SGCZ: variants seen among roughly 807,000 people sequenced by gnomAD.
SGCZ encodes zeta-sarcoglycan.
In SGCZ, 40 loss-of-function variants were observed where a neutral mutation model predicts 41.3. That is an observed-to-expected ratio of 0.97 (90% CI 0.75 to 1.26). The LOEUF (loss-of-function observed/expected upper bound fraction) is 1.26. SGCZ is among the 50% of genes most tolerant of loss of function. SGCZ has a pLI of 0.00. For missense variants in SGCZ, 552 were observed against 369.8 expected (o/e 1.49, Z -4.04); for synonymous variants, 206 against 137.5 (o/e 1.50, Z -3.49).
At chr8:14,120,918 G>T (rs565999630) in intron 5 of SGCZ, among the ~76,000 whole-genome samples, 2 of 152,018 alleles carry the variant, frequency 1.3e-5, no homozygotes, top group African/African-American at 4.8e-5. Flanking sequence ...TCATGGAACT[G>T]GACAAGCTGA....
chr8:15,217,455 C>G (rs1314525606), intron 1 of SGCZ, among the ~76,000 whole-genome samples: 1 of 141,458 alleles, frequency 7.1e-6, no homozygotes, highest in East Asian at 2.0e-4. Flanking sequence ...AAAAATACCT[C>G]TTTTTTTTTT....
intron 2 of SGCZ, among the ~76,000 whole-genome samples, chr8:14,334,087 T>C (rs1194112119): frequency 6.6e-6 from 1 of 152,072 alleles, no homozygotes; most frequent in African/African-American, 2.4e-5. Flanking sequence ...GTTACTATAA[T>C]TTATTTCCTA....
intron 3 of SGCZ, among the ~76,000 whole-genome samples, chr8:14,238,299 A>T (rs1806841131): frequency 6.6e-6 from 1 of 152,224 alleles, no homozygotes; most frequent in African/African-American, 2.4e-5. Context: ...CAGTTACGTC[A>T]TTATTACTAA....
chr8:14,378,705 C>G (rs900673890), intron 2 of SGCZ, among the ~76,000 whole-genome samples: 6 of 152,130 alleles, frequency 3.9e-5, no homozygotes, highest in African/African-American at 1.4e-4. Flanking sequence ...TAGGGACAGT[C>G]TTGGGGACTG....
At position 15,232,682 on chromosome 8, in the gene SGCZ, TATATATATGTGTGTATATATATAC is replaced by T. The variant is rs1563198238; in HGVS notation, c.39+4879_39+4902del. ...ATACATATATATGTGTGTGTATATA[TATATATATGTGTGTATATATATAC>T]ATATATATGTGTGTATATATATACA... On this transcript the variant is annotated intron_variant, in intron 1 of 7. Transcript: ENST00000382080. Among the ~76,000 whole-genome samples, 347 of 114,572 alleles carry T rather than the reference TATATATATGTGTGTATATATATAC, an allele frequency of 3.0e-3. 1 individual carries two copies. Among genetic ancestry groups the T allele is most frequent in the African/African-American group, 4.2e-3 (108 of 25,998 alleles). The allele number at this position is 114,572 out of a possible 152,430, so 75.2% of individuals were successfully genotyped here.
At chr8:14,730,206 C>T (rs1019990726) in intron 1 of SGCZ, among the ~76,000 whole-genome samples, 5 of 152,078 alleles carry the variant, frequency 3.3e-5, no homozygotes, top group Non-Finnish European at 7.4e-5. Flanking sequence ...TCTGGAGTGC[C>T]GCACGAAGCT....
chr8:14,656,621 TC>T (rs1232388317), intron 1 of SGCZ, among the ~76,000 whole-genome samples: 1 of 149,554 alleles, frequency 6.7e-6, no homozygotes, highest in Non-Finnish European at 1.5e-5. Context: ...CCTCTCTCTC[TC>T]TCTCTCCTCC....
chr8:14,651,582 C>T (rs917170437), intron 1 of SGCZ, among the ~76,000 whole-genome samples: 4 of 152,090 alleles, frequency 2.6e-5, no homozygotes, highest in African/African-American at 9.7e-5. Context: ...ACTACGCACA[C>T]TCACTCAGAA....
At chr8:14,591,127 A>G (rs1805227202) in intron 1 of SGCZ, among the ~76,000 whole-genome samples, 1 of 151,792 alleles carries the variant, frequency 6.6e-6, no homozygotes, top group South Asian at 2.1e-4. Context: ...TTCACTATTC[A>G]ATGTCTTTTA....
At chr8:15,033,469 G>A (rs569175099) in intron 1 of SGCZ, among the ~76,000 whole-genome samples, 10 of 152,042 alleles carry the variant, frequency 6.6e-5, no homozygotes, top group Non-Finnish European at 8.8e-5. Flanking sequence ...GGCTGCAGAA[G>A]ACCTAGGGTC....
At chr8:14,574,001 A>T (rs1272783912) in intron 1 of SGCZ, among the ~76,000 whole-genome samples, 1 of 152,130 alleles carries the variant, frequency 6.6e-6, no homozygotes, top group East Asian at 1.9e-4. Context: ...GGAGGTGCTT[A>T]GTCATTGAAA....
At chr8:14,176,838 C>T (rs1934486064) in intron 4 of SGCZ, among the ~76,000 whole-genome samples, 1 of 152,148 alleles carries the variant, frequency 6.6e-6, no homozygotes, top group Non-Finnish European at 1.5e-5. Context: ...AGAAAATTAG[C>T]TGAAAAGCAA....
At chr8:14,863,899 A>G (rs1170445386) in intron 1 of SGCZ, among the ~76,000 whole-genome samples, 1 of 152,116 alleles carries the variant, frequency 6.6e-6, no homozygotes, top group Non-Finnish European at 1.5e-5. Flanking sequence ...TTAGATGAAA[A>G]TTTAATGTGT....
At chr8:15,166,146 G>A (rs1361337871) in intron 1 of SGCZ, among the ~76,000 whole-genome samples, 2 of 152,102 alleles carry the variant, frequency 1.3e-5, no homozygotes, top group African/African-American at 4.8e-5. Flanking sequence ...ATTCTTCAAA[G>A]GGCCCGTGGA....
intron 2 of SGCZ, among the ~76,000 whole-genome samples, chr8:14,358,282 T>G (rs1282643963): frequency 6.6e-6 from 1 of 152,206 alleles, no homozygotes; most frequent in East Asian, 1.9e-4. Flanking sequence ...ATTTTCTTTT[T>G]GAAATGGGGT....
At chr8:15,014,328 G>C (rs1228805759) in intron 1 of SGCZ, among the ~76,000 whole-genome samples, 1 of 152,178 alleles carries the variant, frequency 6.6e-6, no homozygotes, top group Non-Finnish European at 1.5e-5. Flanking sequence ...TTGATGCCAG[G>C]GGCTGTTCAC....
At chr8:14,417,116 G>C (rs1489133174) in intron 2 of SGCZ, among the ~76,000 whole-genome samples, 2 of 151,806 alleles carry the variant, frequency 1.3e-5, no homozygotes, top group Middle Eastern at 3.2e-3. Context: ...CTGTTTCTTA[G>C]CTGTAAGAGC....
intron 1 of SGCZ, among the ~76,000 whole-genome samples, chr8:15,079,851 G>T (rs1023974704): frequency 6.6e-6 from 1 of 152,074 alleles, no homozygotes; most frequent in Non-Finnish European, 1.5e-5. Flanking sequence ...CATAGTACCC[G>T]ATAGGTAACT....
At chr8:14,591,064 G>C (rs932612468) in intron 1 of SGCZ, among the ~76,000 whole-genome samples, 1 of 150,632 alleles carries the variant, frequency 6.6e-6, no homozygotes, top group African/African-American at 2.4e-5. Flanking sequence ...TCAATGTTGT[G>C]AAATAATAAA....
Sources: allele counts gnomAD v4.1 joint callset (sites outside exome capture counted in the v4.1 genomes callset), GRCh38; gene constraint gnomAD v4.1.1; transcripts MANE v1.5; gene names NCBI Gene and HGNC (gene_info 2026-07-23, HGNC 2026-07-21).